The following SGCG variants were observed in gnomAD, a reference collection of about 807,000 sequenced individuals.
The protein encoded by SGCG is sarcoglycan gamma, also known as gamma-sarcoglycan.
A neutral mutation model predicts 29.3 loss-of-function variants in SGCG; 26 were observed. The observed-to-expected ratio is 0.89, with a 90% CI of 0.65 to 1.23. The LOEUF (loss-of-function observed/expected upper bound fraction) is 1.23. Ranked by LOEUF, SGCG falls within the 50% of genes most tolerant of loss-of-function variation. The probability of loss-of-function intolerance (pLI) is 0.00; values close to 1 mark genes in which losing one functional copy is unlikely to be tolerated. For synonymous variants in SGCG, 145 were observed against 129.7 expected (o/e 1.12, Z -0.80); for missense variants, 353 against 356.0 (o/e 0.99, Z 0.07).
chr13:23,218,471 C>T (rs1249427711), intron 2 of SGCG, among the ~76,000 whole-genome samples: 1 of 152,062 alleles, frequency 6.6e-6, no homozygotes, highest in Non-Finnish European at 1.5e-5. Flanking sequence ...TGTTATGCTT[C>T]ACTAACATAA....
At chr13:23,264,323 A>G (rs1168138862) in intron 4 of SGCG, among the ~76,000 whole-genome samples, 1 of 150,798 alleles carries the variant, frequency 6.6e-6, no homozygotes, top group Non-Finnish European at 1.5e-5. Flanking sequence ...AAGTCAATTC[A>G]TTTTACAATG....
intron 2 of SGCG, among the ~76,000 whole-genome samples, chr13:23,205,517 G>A (rs2137504214): frequency 6.6e-6 from 1 of 152,280 alleles, no homozygotes; most frequent in African/African-American, 2.4e-5. Flanking sequence ...ACTTTATCTG[G>A]AATGAATGAT....
At chr13:23,315,738 G>C (rs151141005) in intron 6 of SGCG, among the ~76,000 whole-genome samples, 12 of 152,318 alleles carry the variant, frequency 7.9e-5, no homozygotes, top group African/African-American at 2.9e-4. Context: ...CTGATTCATG[G>C]GCTGTAGCCA....
At chr13:23,315,064 T>G (rs553134144) in intron 6 of SGCG, among the ~76,000 whole-genome samples, 1 of 152,324 alleles carries the variant, frequency 6.6e-6, no homozygotes, top group South Asian at 2.1e-4. Flanking sequence ...GAGGTGTCAG[T>G]GGCAGATAGG....
intron 2 of SGCG, among the ~76,000 whole-genome samples, chr13:23,225,002 A>C (rs933175998): frequency 6.6e-6 from 1 of 152,170 alleles, no homozygotes; most frequent in African/African-American, 2.4e-5. Flanking sequence ...CTACGAGCTC[A>C]TGAGAAATGT....
chr13:23,318,381 T>G (rs1219199713), intron 6 of SGCG, among the ~76,000 whole-genome samples: 1 of 151,850 alleles, frequency 6.6e-6, no homozygotes, highest in Non-Finnish European at 1.5e-5. Flanking sequence ...AGTTAGTGCC[T>G]TATGTCCAGT....
intron 6 of SGCG, among the ~76,000 whole-genome samples, chr13:23,319,223 A>G (rs1023343460): frequency 2.0e-5 from 3 of 151,570 alleles, no homozygotes; most frequent in Non-Finnish European, 4.4e-5. Flanking sequence ...GCCTGAAGCC[A>G]GGAGGTTGTG....
chr13:23,232,731 G>C (rs1017625691), intron 2 of SGCG, among the ~76,000 whole-genome samples: 5 of 152,036 alleles, frequency 3.3e-5, no homozygotes, highest in Non-Finnish European at 5.9e-5. Flanking sequence ...GCAGTGAGCT[G>C]AGATCACGTC....
chr13:23,200,476 A>G (rs1210532074), intron 1 of SGCG, among the ~76,000 whole-genome samples: 1 of 152,204 alleles, frequency 6.6e-6, no homozygotes, highest in African/African-American at 2.4e-5. Context: ...CAACATTTGT[A>G]TGTAGTTAAT....
At chr13:23,257,792 A>T (rs1050013596) in intron 4 of SGCG, among the ~76,000 whole-genome samples, 1 of 152,190 alleles carries the variant, frequency 6.6e-6, no homozygotes, top group Non-Finnish European at 1.5e-5. Context: ...AGCACCATTT[A>T]TTAAATAGGG....
At chr13:23,236,520 A>T (rs1437653256) in intron 3 of SGCG, among the ~76,000 whole-genome samples, 1 of 152,060 alleles carries the variant, frequency 6.6e-6, no homozygotes, top group African/African-American at 2.4e-5. Context: ...TACTAAAAAT[A>T]CAAAAAAATC....
At chr13:23,311,088 G>T in intron 6 of SGCG, among the ~76,000 whole-genome samples, 1 of 152,276 alleles carries the variant, frequency 6.6e-6, no homozygotes, top group Non-Finnish European at 1.5e-5. Flanking sequence ...CCCTGTGTCT[G>T]AAATGTCCAG....
At position 23,253,054 on chromosome 13, in the gene SGCG, A is replaced by G. The variant is rs372986984; in HGVS notation, c.385+2337A>G. Among the ~76,000 whole-genome samples, 41 of 151,928 alleles carry G rather than the reference A, an allele frequency of 2.7e-4. 1 individual carries two copies. The highest frequency in any genetic ancestry group is 9.4e-4 in the African/African-American group (39 of 41,420). ...TCATTTTTGTCACCAAGAAATTACC[A>G]GGGGTTTTAAAGGTTTTGTTTTGTT... On this transcript the variant is annotated intron_variant, in intron 4 of 7. Transcript: ENST00000218867.
chr13:23,251,724 G>C (rs949603695), intron 4 of SGCG, among the ~76,000 whole-genome samples: 3 of 152,080 alleles, frequency 2.0e-5, no homozygotes, highest in African/African-American at 7.2e-5. Flanking sequence ...TGGTGGAAGA[G>C]ACCCTTTGTT....
At chr13:23,304,951 GTGCACGTGCTCACAGGCT>G (rs879869456) in intron 6 of SGCG, among the ~76,000 whole-genome samples, 13,114 of 152,060 alleles carry the variant, frequency 0.086, 634 homozygotes, top group South Asian at 0.13. Flanking sequence ...GCACACATGC[GTGCACGTGCTCACAGGCT>G]TGCACGTGCT....
At chr13:23,299,456 A>ATT (rs71100168) in intron 6 of SGCG, among the ~76,000 whole-genome samples, 8 of 41,546 alleles carry the variant, frequency 1.9e-4, no homozygotes, top group African/African-American at 6.1e-4. Context: ...ATATATATAT[A>ATT]TTTTTTTTTT....
At chr13:23,178,101 C>T (rs1465391383), upstream of SGCG, among the ~76,000 whole-genome samples, 2 of 152,110 alleles carry the variant, frequency 1.3e-5, no homozygotes, top group Non-Finnish European at 2.9e-5. Context: ...GGGCTTTAGG[C>T]CAAGGAGTGA....
intron 5 of SGCG, among the ~76,000 whole-genome samples, chr13:23,281,633 T>C (rs1192679567): frequency 6.6e-6 from 1 of 152,096 alleles, no homozygotes; most frequent in Non-Finnish European, 1.5e-5. Context: ...GAAGAAAATG[T>C]TTTCACAGTG....
chr13:23,175,603 T>G, the SGCG span, among the ~76,000 whole-genome samples: 1 of 152,134 alleles, frequency 6.6e-6, no homozygotes, highest in Non-Finnish European at 1.5e-5. Flanking sequence ...CCCTGAAATC[T>G]GAGTTTTCTT....
Sources: allele counts gnomAD v4.1 joint callset (sites outside exome capture counted in the v4.1 genomes callset), GRCh38; gene constraint gnomAD v4.1.1; transcripts MANE v1.5; gene names NCBI Gene and HGNC (gene_info 2026-07-23, HGNC 2026-07-21).